MISFA: variants seen among roughly 807,000 people sequenced by gnomAD.
The protein encoded by MISFA is mitochondrial sheath formation associated, also known as mitochondrial sheath formation-associated protein.
At chr11:18,605,398 C>A in the MISFA span, among the ~76,000 whole-genome samples, 1 of 152,124 alleles carries the variant, frequency 6.6e-6, no homozygotes, top group Non-Finnish European at 1.5e-5. Flanking sequence ...ATGACTGATA[C>A]AGTTCCAGTA....
the MISFA span, among the ~76,000 whole-genome samples, chr11:18,600,779 C>G: frequency 6.6e-6 from 1 of 152,106 alleles, no homozygotes; most frequent in Non-Finnish European, 1.5e-5. Context: ...CTCGGCTCCC[C>G]AAAGTGCTGG....
the MISFA span, chr11:18,608,657 T>C: frequency 4.6e-5 from 7 of 152,388 alleles, no homozygotes; most frequent in East Asian, 1.3e-3. Flanking sequence ...GTCAGCCTGA[T>C]TGGAACTGCT....
chr11:18,601,572 T>A, the MISFA span: 1 of 397,938 alleles, frequency 2.5e-6, no homozygotes, highest in African/African-American at 2.1e-5. Flanking sequence ...CATGCCTGGC[T>A]AATTTTTTTT....
the MISFA span, chr11:18,606,548 T>C: frequency 8.8e-6 from 2 of 226,638 alleles, no homozygotes; most frequent in South Asian, 1.0e-4. Context: ...ACTTGATTTG[T>C]CCATTGTGTA....
At chr11:18,606,853 T>C in the MISFA span, 38 of 365,044 alleles carry the variant, frequency 1.0e-4, no homozygotes, top group African/African-American at 6.6e-4. Flanking sequence ...AAATGAAAAT[T>C]TGAGTTCCCA....
the MISFA span, chr11:18,601,805 C>T: frequency 5.3e-5 from 18 of 341,428 alleles, no homozygotes; most frequent in African/African-American, 3.4e-4. Context: ...TTTCTAGCTA[C>T]GTGACCTTGG....
chr11:18,601,473 G>T, the MISFA span: 1 of 389,178 alleles, frequency 2.6e-6, no homozygotes, highest in African/African-American at 2.2e-5. Context: ...TTCTGAAACA[G>T]GTCTTGCTCT....
At chr11:18,607,471 G>A in the MISFA span, 2 of 152,548 alleles carry the variant, frequency 1.3e-5, no homozygotes, top group Non-Finnish European at 2.9e-5. Context: ...TACTACATTC[G>A]TGATTAACAT....
At chr11:18,603,914 G>A in the MISFA span, 5 of 225,166 alleles carry the variant, frequency 2.2e-5, no homozygotes, top group Non-Finnish European at 2.3e-5. Context: ...AGAAGTTACC[G>A]CACTTTTTTT....
At chr11:18,604,222 G>A in the MISFA span, among the ~76,000 whole-genome samples, 3 of 151,700 alleles carry the variant, frequency 2.0e-5, no homozygotes, top group Middle Eastern at 3.4e-3. Context: ...CAATGTGCCC[G>A]GCATTACCGC....
chr11:18,602,999 T>G, the MISFA span: 1 of 396,066 alleles, frequency 2.5e-6, no homozygotes, highest in Non-Finnish European at 4.4e-6. Flanking sequence ...AGCTCCTTAG[T>G]GAGGAGCTGC....
the MISFA span, chr11:18,603,322 G>A: frequency 2.5e-6 from 1 of 396,346 alleles, no homozygotes; most frequent in South Asian, 1.4e-4. Flanking sequence ...TTTTTTTAAA[G>A]TTACTGTAGC....
chr11:18,606,249 T>A, the MISFA span, among the ~76,000 whole-genome samples: 1 of 152,094 alleles, frequency 6.6e-6, no homozygotes, highest in Non-Finnish European at 1.5e-5. Flanking sequence ...CATGAATGTG[T>A]AAGGGAGAAT....
chr11:18,604,210 GC>G, the MISFA span, among the ~76,000 whole-genome samples: 1 of 152,050 alleles, frequency 6.6e-6, no homozygotes, highest in Non-Finnish European at 1.5e-5. Context: ...ACAGGCGTGA[GC>G]CAATGTGCCC....
the MISFA span, chr11:18,606,939 C>T: frequency 6.7e-6 from 2 of 298,380 alleles, no homozygotes; most frequent in African/African-American, 2.4e-5. Context: ...TGGCTGACTG[C>T]AACCTCCGCC....
At chr11:18,600,540 A>G in the MISFA span, among the ~76,000 whole-genome samples, 14 of 46,462 alleles carry the variant, frequency 3.0e-4, no homozygotes, top group East Asian at 7.1e-4. Context: ...TTTTTTTTGG[A>G]GACGGAGTCT....
chr11:18,603,506 G>A, the MISFA span, among the ~76,000 whole-genome samples: 1 of 152,178 alleles, frequency 6.6e-6, no homozygotes, highest in Non-Finnish European at 1.5e-5. Flanking sequence ...TCTTCCACAA[G>A]TAAACACTAG....
chr11:18,607,404 ATT>A, the MISFA span: 1,010 of 152,758 alleles, frequency 6.6e-3, 27 homozygotes, highest in East Asian at 0.035. Context: ...CTTTCACATC[ATT>A]TGTTAGAGAA....
chr11:18,604,213 A>G, the MISFA span, among the ~76,000 whole-genome samples: 3 of 151,870 alleles, frequency 2.0e-5, no homozygotes, highest in African/African-American at 7.2e-5. Context: ...GGCGTGAGCC[A>G]ATGTGCCCGG....
Sources: allele counts gnomAD v4.1 joint callset (sites outside exome capture counted in the v4.1 genomes callset), GRCh38; gene constraint gnomAD v4.1.1; transcripts MANE v1.5; gene names NCBI Gene and HGNC (gene_info 2026-07-23, HGNC 2026-07-21).